The following CDYL2 variants were observed in gnomAD, a reference collection of about 807,000 sequenced individuals.
CDYL2 encodes chromodomain Y-like protein 2.
Under a neutral mutation model 49.4 loss-of-function variants are expected in CDYL2, and 23 were observed. The ratio of observed to expected loss-of-function variants is 0.47; its 90% CI spans 0.34 to 0.66. The LOEUF is 0.66. Ranked by LOEUF, CDYL2 falls within the 30% of genes least tolerant of loss-of-function variation. The probability of loss-of-function intolerance (pLI) is 0.01; values close to 1 mark genes in which losing one functional copy is unlikely to be tolerated. For missense variants in CDYL2, 678 were observed against 656.4 expected (o/e 1.03, Z -0.36); for synonymous variants, 360 against 268.8 (o/e 1.34, Z -3.32).
At chr16:80,716,844 T>C (rs1904818886) in intron 1 of CDYL2, among the ~76,000 whole-genome samples, 1 of 150,020 alleles carries the variant, frequency 6.7e-6, no homozygotes, top group Admixed American at 6.6e-5. Flanking sequence ...AATGGATAGA[T>C]GATGTATGTA....
chr16:80,613,597 T>A (rs1906699076), intron 4 of CDYL2, among the ~76,000 whole-genome samples: 1 of 152,178 alleles, frequency 6.6e-6, no homozygotes, highest in Non-Finnish European at 1.5e-5. Context: ...TGGGCAATAT[T>A]TTCTCTCCCT....
chr16:80,672,352 C>CACAG lies in CDYL2; in HGVS notation c.616+12185_616+12186insCTGT, dbSNP rs68130206. Among the ~76,000 whole-genome samples, 39 of 117,844 alleles carry CACAG rather than the reference C, an allele frequency of 3.3e-4. 1 individual carries two copies. The highest frequency in any genetic ancestry group is 8.4e-3 in the Middle Eastern group (2 of 238). 77.3% of individuals were successfully genotyped at this position (117,844 alleles called of 152,430 possible). The stretch of plus-strand genomic sequence containing the variant: ...ACACACACACACACACACACACACA[C>CACAG]AGAGAGAGAGAGAGAGATGAGTAGA... On this transcript the variant is annotated intron_variant, in intron 2 of 6. Transcript: ENST00000570137.
chr16:80,620,411 G>T (rs909013002), intron 4 of CDYL2, among the ~76,000 whole-genome samples: 3 of 152,164 alleles, frequency 2.0e-5, no homozygotes, highest in Non-Finnish European at 4.4e-5. Flanking sequence ...CAAGGGGCGG[G>T]AGTAGTGTGG....
intron 1 of CDYL2, among the ~76,000 whole-genome samples, chr16:80,800,354 G>A (rs559684345): frequency 6.6e-6 from 1 of 152,306 alleles, no homozygotes; most frequent in South Asian, 2.1e-4. Context: ...ACAGAGACAA[G>A]AGGGAAGCAA....
At chr16:80,785,208 A>G (rs1907395819) in intron 1 of CDYL2, among the ~76,000 whole-genome samples, 1 of 152,258 alleles carries the variant, frequency 6.6e-6, no homozygotes, top group South Asian at 2.1e-4. Flanking sequence ...GTATGTTTAG[A>G]AAAACCCCAT....
intron 1 of CDYL2, among the ~76,000 whole-genome samples, chr16:80,748,331 C>G (rs1416204871): frequency 6.8e-6 from 1 of 148,106 alleles, no homozygotes; most frequent in African/African-American, 2.5e-5. Flanking sequence ...TCGAGACCAT[C>G]CTGACTAACA....
At chr16:80,768,850 G>A (rs947898751) in intron 1 of CDYL2, among the ~76,000 whole-genome samples, 2 of 152,128 alleles carry the variant, frequency 1.3e-5, no homozygotes, top group Non-Finnish European at 2.9e-5. Flanking sequence ...TGTAAAAGAT[G>A]CTTTAGGATT....
At chr16:80,641,674 A>G (rs1041839408) in intron 2 of CDYL2, among the ~76,000 whole-genome samples, 2 of 146,862 alleles carry the variant, frequency 1.4e-5, no homozygotes, top group African/African-American at 2.5e-5. Flanking sequence ...GCGTGTTCTC[A>G]CTCATAGGAG....
Position 80,758,509 on chromosome 16 carries a change from T to TAA in CDYL2, c.24+45639_24+45640dup, listed in dbSNP as rs963521716. Among the ~76,000 whole-genome samples, 186 of 149,534 alleles carry TAA rather than the reference T, an allele frequency of 1.2e-3. 1 individual carries two copies. Among genetic ancestry groups the TAA allele is most frequent in the African/African-American group, 4.3e-3 (175 of 40,862 alleles). ...GATTTTAATATACCATACAAGTGTG[T>TAA]AAACACATAAATACAGAAGTTTGCT... is the stretch of plus-strand genomic sequence containing the variant. On this transcript the variant is annotated intron_variant, in intron 1 of 6. Coordinates refer to ENST00000570137, the MANE Select transcript of CDYL2 (RefSeq NM_152342.4).
chr16:80,772,540 C>T (rs1375145076), intron 1 of CDYL2, among the ~76,000 whole-genome samples: 1 of 152,110 alleles, frequency 6.6e-6, no homozygotes, highest in African/African-American at 2.4e-5. Context: ...GCAACCTCTG[C>T]TTCCTGGGTT....
At chr16:80,778,324 T>C (rs567944990) in intron 1 of CDYL2, among the ~76,000 whole-genome samples, 99 of 152,032 alleles carry the variant, frequency 6.5e-4, no homozygotes, top group Non-Finnish European at 1.1e-3. Context: ...AGTAGAAATA[T>C]ATATAAAATT....
intron 1 of CDYL2, among the ~76,000 whole-genome samples, chr16:80,755,595 C>T (rs150494534): frequency 3.3e-5 from 5 of 152,188 alleles, no homozygotes; most frequent in Admixed American, 6.5e-5. Context: ...TTATCCCAAG[C>T]AAACATTTGA....
intron 2 of CDYL2, among the ~76,000 whole-genome samples, chr16:80,665,505 TAAAAAAAAA>T (rs35248259): frequency 3.0e-4 from 37 of 121,640 alleles, no homozygotes; most frequent in Admixed American, 2.7e-3. Context: ...TTTTTGCCAT[TAAAAAAAAA>T]AAAAAAAAAA....
chr16:80,685,175 A>C (rs1188807184), intron 1 of CDYL2, 46 bp from the exon 2 acceptor site: 2 of 1,496,316 alleles, frequency 1.3e-6, no homozygotes, highest in Non-Finnish European at 1.8e-6. Context: ...GAGAGGGAGG[A>C]AAAAACTCAG....
chr16:80,705,513 T>C lies in CDYL2; in HGVS notation c.25-20384A>G, dbSNP rs546157798. Among the ~76,000 whole-genome samples, 10 of 152,388 alleles carry C rather than the reference T, an allele frequency of 6.6e-5. No homozygotes were observed. The South Asian group carries it at 1.2e-3, about 19-fold the overall frequency. The stretch of plus-strand genomic sequence containing the variant: ...TTTAGCCCAGCTGTAGAAGGCACAC[T>C]GAGGGAACGCAGGCAGGTCCCCTGG... On this transcript the variant is annotated intron_variant, in intron 1 of 6. Transcript: ENST00000570137.
At chr16:80,687,955 C>T (rs1352471770) in intron 1 of CDYL2, among the ~76,000 whole-genome samples, 1 of 152,150 alleles carries the variant, frequency 6.6e-6, no homozygotes, top group African/African-American at 2.4e-5. Context: ...AGAATATGAC[C>T]CCTTAAAACA....
At chr16:80,779,633 C>T (rs1907199085) in intron 1 of CDYL2, among the ~76,000 whole-genome samples, 1 of 151,688 alleles carries the variant, frequency 6.6e-6, no homozygotes, top group Non-Finnish European at 1.5e-5. Context: ...TATACTAAAA[C>T]AAAGTGATAA....
Position 80,712,186 on chromosome 16 carries a change from T to C in CDYL2, c.25-27057A>G, listed in dbSNP as rs1156542801. ...GTATATATATGTGTCTTTGTGTCTG[T>C]GTGTGTATATATATATATATATATA... On this transcript the variant is annotated intron_variant, in intron 1 of 6. Transcript: ENST00000570137. 1.6e-4 allele frequency among the ~76,000 whole-genome samples: 4 copies of C among 25,780 alleles called. No individual in the cohort carries two copies. In the East Asian group the frequency reaches 3.6e-3, roughly 23 times the overall value. 16.9% of individuals were successfully genotyped at this position (25,780 alleles called of 152,430 possible).
intron 2 of CDYL2, among the ~76,000 whole-genome samples, chr16:80,668,841 G>A (rs981513904): frequency 3.9e-5 from 6 of 152,030 alleles, no homozygotes; most frequent in Non-Finnish European, 8.8e-5. Context: ...AGAGGCTGCA[G>A]TGAGCCGAGA....
Sources: allele counts gnomAD v4.1 joint callset (sites outside exome capture counted in the v4.1 genomes callset), GRCh38; gene constraint gnomAD v4.1.1; transcripts MANE v1.5; gene names NCBI Gene and HGNC (gene_info 2026-07-23, HGNC 2026-07-21).